Variants in RSPH14 observed in about 807,000 individuals in gnomAD.
RSPH14 encodes the protein rhabdoid tumor deletion region gene 1.
In RSPH14, 20 loss-of-function variants were observed where a neutral mutation model predicts 26.7. The observed-to-expected ratio is 0.75, with a 90% CI of 0.53 to 1.09. The LOEUF (loss-of-function observed/expected upper bound fraction) is 1.09. Ranked by LOEUF, RSPH14 falls within the 50% of genes least tolerant of loss-of-function variation. The pLI is 0.00. For missense variants in RSPH14, 449 were observed against 457.2 expected (o/e 0.98, Z 0.16); for synonymous variants, 177 against 189.3 (o/e 0.93, Z 0.53).
upstream of RSPH14, among the ~76,000 whole-genome samples, chr22:23,148,010 T>C (rs1171572361): frequency 1.3e-5 from 2 of 152,154 alleles, no homozygotes; most frequent in Non-Finnish European, 2.9e-5. Context: ...TCTCAGTGGT[T>C]GCCTCTGTGG....
At chr22:23,076,216 C>T (rs2068503422) in intron 4 of RSPH14, among the ~76,000 whole-genome samples, 2 of 152,170 alleles carry the variant, frequency 1.3e-5, no homozygotes, top group Admixed American at 1.3e-4. Context: ...CTATTTTTTT[C>T]CCCTTAGCAC....
chr22:23,103,179 A>G (rs2069353455), intron 4 of RSPH14, among the ~76,000 whole-genome samples: 1 of 152,178 alleles, frequency 6.6e-6, no homozygotes, highest in Non-Finnish European at 1.5e-5. Context: ...TTCAATTTTC[A>G]GGATGTTTGT....
intron 4 of RSPH14, among the ~76,000 whole-genome samples, chr22:23,091,324 C>T (rs1010092806): frequency 1.3e-5 from 2 of 152,210 alleles, no homozygotes; most frequent in Admixed American, 6.5e-5. Context: ...GCACACATAC[C>T]GCAATGGACC....
chr22:23,129,994 AAG>A (rs1005186562), intron 4 of RSPH14, among the ~76,000 whole-genome samples: 1 of 151,040 alleles, frequency 6.6e-6, no homozygotes, highest in African/African-American at 2.4e-5. Flanking sequence ...CAAAGAGAGA[AAG>A]AGAAAGAAAG....
the RSPH14 span, among the ~76,000 whole-genome samples, chr22:23,168,871 G>A: frequency 1.3e-5 from 2 of 152,198 alleles, no homozygotes; most frequent in South Asian, 4.1e-4. Context: ...AGGCAAACCA[G>A]GTCTGGGCTC....
rs959517109 is a variant in RSPH14, at chr22:23,061,794, C to T, written c.790+15G>A. ...GCTAGGGTCTCCCTCCCTGCGGCAC[C>T]CCCCACCGCCTCACCTTCAGTGATC... On this transcript the variant is annotated intron_variant, in intron 6 of 6. Transcript: ENST00000216036. 18 of 1,613,546 alleles carry T rather than the reference C, an allele frequency of 1.1e-5. No homozygotes were observed. In the African/African-American group the frequency reaches 1.9e-4, roughly 17 times the overall value.
chr22:23,093,113 C>G (rs1046036274), intron 4 of RSPH14, among the ~76,000 whole-genome samples: 8 of 152,330 alleles, frequency 5.3e-5, no homozygotes, highest in African/African-American at 1.4e-4. Flanking sequence ...TTACACATAT[C>G]ATGTACATGT....
chr22:23,161,037 C>A, the RSPH14 span: 1 of 1,559,866 alleles, frequency 6.4e-7, no homozygotes, highest in South Asian at 1.2e-5. Context: ...GGGGAGTAGG[C>A]TGGAGGCCTA....
At chr22:23,144,735 A>G (rs2070683018), upstream of RSPH14, among the ~76,000 whole-genome samples, 1 of 151,996 alleles carries the variant, frequency 6.6e-6, no homozygotes, top group South Asian at 2.1e-4. Flanking sequence ...CAGCACACTT[A>G]GCTTTGAATT....
chr22:23,066,432 G>A (rs189755448), intron 4 of RSPH14, among the ~76,000 whole-genome samples: 4 of 152,290 alleles, frequency 2.6e-5, no homozygotes, highest in Admixed American at 1.3e-4. Flanking sequence ...GCAGATGGTG[G>A]CAAAGCCAGG....
chr22:23,176,987 A>C, the RSPH14 span, among the ~76,000 whole-genome samples: 2 of 152,256 alleles, frequency 1.3e-5, no homozygotes, highest in Non-Finnish European at 2.9e-5. Flanking sequence ...CAGATTACAG[A>C]ACATGCCCAT....
intron 4 of RSPH14, among the ~76,000 whole-genome samples, chr22:23,109,133 G>A (rs933784297): frequency 9.2e-5 from 14 of 152,156 alleles, no homozygotes; most frequent in Non-Finnish European, 1.9e-4. Flanking sequence ...TATTGACCAC[G>A]TTTCTCTTGT....
At chr22:23,175,081 C>G in the RSPH14 span, among the ~76,000 whole-genome samples, 1 of 151,424 alleles carries the variant, frequency 6.6e-6, no homozygotes, top group Non-Finnish European at 1.5e-5. Flanking sequence ...ACTACAAGCT[C>G]CGCCTCCTGG....
At chr22:23,104,773 A>G (rs1413197933) in intron 4 of RSPH14, among the ~76,000 whole-genome samples, 1 of 152,170 alleles carries the variant, frequency 6.6e-6, no homozygotes, top group Admixed American at 6.5e-5. Flanking sequence ...AGCAGTGAGG[A>G]CAGGATGCAG....
intron 4 of RSPH14, among the ~76,000 whole-genome samples, chr22:23,080,753 CAA>C (rs2068653755): frequency 6.6e-6 from 1 of 152,236 alleles, no homozygotes; most frequent in Non-Finnish European, 1.5e-5. Context: ...TCTCATTTTT[CAA>C]ACACTGCAAA....
At chr22:23,084,021 C>T (rs946876018) in intron 4 of RSPH14, among the ~76,000 whole-genome samples, 3 of 152,078 alleles carry the variant, frequency 2.0e-5, no homozygotes, top group African/African-American at 7.2e-5. Context: ...AACCTTGCTT[C>T]TTGTGGAGTT....
At chr22:23,080,316 C>T (rs1439892704) in intron 4 of RSPH14, among the ~76,000 whole-genome samples, 1 of 152,270 alleles carries the variant, frequency 6.6e-6, no homozygotes, top group East Asian at 1.9e-4. Context: ...TGAGGGTGTC[C>T]AGAGCCAGGA....
At chr22:23,180,044 TG>T in the RSPH14 span, 1 of 363,784 alleles carries the variant, frequency 2.7e-6, no homozygotes, top group Non-Finnish European at 5.2e-6. Flanking sequence ...CACTGCGGCG[TG>T]GTAGGGGCAG....
intron 4 of RSPH14, among the ~76,000 whole-genome samples, chr22:23,098,316 C>A (rs1161526228): frequency 6.6e-6 from 1 of 152,252 alleles, no homozygotes; most frequent in African/African-American, 2.4e-5. Context: ...TCCTGGGAGG[C>A]CTTTTCTGAC....
Sources: gnomAD v4.1 joint callset for allele counts (sites outside exome capture counted in the v4.1 genomes callset) on GRCh38, gnomAD v4.1.1 for gene constraint, MANE v1.5 for transcripts, NCBI Gene and HGNC (gene_info 2026-07-23, HGNC 2026-07-21) for gene names.